The following SEMA4F variants were observed in gnomAD, a reference collection of about 807,000 sequenced individuals.
SEMA4F encodes the protein ssemaphorin 4F, also known as semaphorin-4F.
SEMA4F carries 51 observed loss-of-function variants against 78.4 expected under a neutral mutation model. The observed-to-expected ratio is 0.65, with a 90% CI of 0.52 to 0.82. The LOEUF (loss-of-function observed/expected upper bound fraction) is 0.82, where lower values mean the gene tolerates loss of function less well. Among genes scored for constraint, SEMA4F ranks in the 40% least tolerant of loss-of-function variants. SEMA4F has a pLI of 0.00. For synonymous variants in SEMA4F, 418 were observed against 408.7 expected (o/e 1.02, Z -0.27); for missense variants, 938 against 1,014.4 (o/e 0.92, Z 1.02).
intron 4 of SEMA4F, 31 bp from the exon 5 acceptor site, chr2:74,662,701 C>G: frequency 3.8e-6 from 6 of 1,579,718 alleles, no homozygotes; most frequent in Non-Finnish European, 1.7e-6. Flanking sequence ...CCCTATGACC[C>G]CTAAACCAAT....
At chr2:74,662,846 A>G in intron 5 of SEMA4F, 21 bp downstream of exon 5, 1 of 1,605,718 alleles carries the variant, frequency 6.2e-7, no homozygotes, top group Non-Finnish European at 8.5e-7. Flanking sequence ...AGAGACAAGA[A>G]CCTGTAACTT....
chr2:74,676,932 C>T (rs1055160725), intron 12 of SEMA4F, among the ~76,000 whole-genome samples: 4 of 152,124 alleles, frequency 2.6e-5, no homozygotes, highest in African/African-American at 9.7e-5. Flanking sequence ...GATGGAGTCT[C>T]ACTCTGTCGC....
intron 5 of SEMA4F, among the ~76,000 whole-genome samples, chr2:74,668,266 A>G (rs916921262): frequency 6.6e-6 from 1 of 152,212 alleles, no homozygotes; most frequent in Non-Finnish European, 1.5e-5. Flanking sequence ...CGCATCTGCC[A>G]AGGAGCTCTG....
intron 5 of SEMA4F, among the ~76,000 whole-genome samples, chr2:74,667,955 C>T (rs1406126368): frequency 6.6e-6 from 1 of 152,302 alleles, no homozygotes; most frequent in East Asian, 1.9e-4. Context: ...GCCTTCCACA[C>T]ATCTTCAGTT....
downstream of SEMA4F, among the ~76,000 whole-genome samples, chr2:74,686,947 G>A (rs1192053546): frequency 6.6e-6 from 1 of 151,878 alleles, no homozygotes; most frequent in Non-Finnish European, 1.5e-5. Flanking sequence ...GTTGATGGGT[G>A]CAGCAAACCA....
At chr2:74,673,895 C>T in intron 7 of SEMA4F, 67 bp downstream of exon 7, 1 of 1,515,122 alleles carries the variant, frequency 6.6e-7, no homozygotes, top group Non-Finnish European at 8.9e-7. Flanking sequence ...TTATCTTTTC[C>T]TCTTTGGGTC....
At chr2:74,700,655 TA>T in the SEMA4F span, among the ~76,000 whole-genome samples, 3 of 152,240 alleles carry the variant, frequency 2.0e-5, no homozygotes, top group African/African-American at 7.2e-5. Context: ...GTTATCTCCA[TA>T]AAAAAACTGA....
At chr2:74,668,696 C>T (rs1202603168) in intron 5 of SEMA4F, among the ~76,000 whole-genome samples, 2 of 151,476 alleles carry the variant, frequency 1.3e-5, no homozygotes, top group Non-Finnish European at 2.9e-5. Flanking sequence ...CTGCAACCTC[C>T]ACCTCCTGGG....
At chr2:74,688,274 G>A (rs1685858984), downstream of SEMA4F, among the ~76,000 whole-genome samples, 1 of 152,156 alleles carries the variant, frequency 6.6e-6, no homozygotes. Context: ...TGCCTTCCTA[G>A]AGTGGAGTGG....
chr2:74,664,329 T>C (rs1684579234), intron 5 of SEMA4F, among the ~76,000 whole-genome samples: 1 of 152,240 alleles, frequency 6.6e-6, no homozygotes, highest in Non-Finnish European at 1.5e-5. Context: ...TTTAATGACA[T>C]GTTACTCATT....
At chr2:74,677,339 C>T (rs1253286032) in intron 12 of SEMA4F, among the ~76,000 whole-genome samples, 2 of 152,188 alleles carry the variant, frequency 1.3e-5, no homozygotes, top group East Asian at 1.9e-4. Flanking sequence ...CTCATCAGTA[C>T]GTTTACTCAT....
intron 13 of SEMA4F, 53 bp from the exon 14 acceptor site, chr2:74,679,546 A>ACACCTCCAGCCTTTAGCCT (rs1685474569): frequency 6.4e-7 from 1 of 1,553,674 alleles, no homozygotes; most frequent in African/African-American, 1.4e-5. Context: ...TTTCTTCATC[A>ACACCTCCAGCCTTTAGCCT]CACCTCCAGC....
At chr2:74,656,473 C>T (rs148363820) in intron 1 of SEMA4F, 61 bp from the exon 2 acceptor site, 2 of 1,558,282 alleles carry the variant, frequency 1.3e-6, no homozygotes, top group African/African-American at 2.7e-5. Flanking sequence ...TTTGGTTTTG[C>T]TCTTGTGGAC....
Position 74,675,642 on chromosome 2 carries a change from G to A in SEMA4F, c.1482+8G>A, listed in dbSNP as rs762167868. 6 of 1,613,852 alleles carry A rather than the reference G, an allele frequency of 3.7e-6. No homozygotes were observed. The East Asian group carries it at 1.3e-4, about 36-fold the overall frequency. ...AACATGAAATTGTACCACGTGAGTT[G>A]TAGATTTTGGAGAGTCTATTGGGGA... On this transcript the variant is annotated splice_region_variant and intron_variant, in intron 11 of 13. Transcript: ENST00000357877.
the SEMA4F span, among the ~76,000 whole-genome samples, chr2:74,699,250 CA>C: frequency 6.6e-6 from 1 of 152,176 alleles, no homozygotes; most frequent in African/African-American, 2.4e-5. Flanking sequence ...CTGTCTTTTC[CA>C]ATTTTCCAAT....
intron 5 of SEMA4F, among the ~76,000 whole-genome samples, chr2:74,665,798 G>C (rs1684661669): frequency 6.6e-6 from 1 of 151,644 alleles, no homozygotes; most frequent in Non-Finnish European, 1.5e-5. Context: ...TCGTGGTTGT[G>C]ATATCTCTTG....
the SEMA4F span, among the ~76,000 whole-genome samples, chr2:74,692,544 G>A: frequency 6.6e-6 from 1 of 152,202 alleles, no homozygotes; most frequent in Non-Finnish European, 1.5e-5. Flanking sequence ...GGAGGCAAAG[G>A]CTTCTGTTGG....
In SEMA4F at chr2:74,683,742, A is replaced by G. The variant is rs1054464519; in HGVS notation, c.*3533A>G. 6.6e-6 allele frequency: 1 copy of G among 152,168 alleles called. No homozygotes were observed. Among genetic ancestry groups the G allele is most frequent in the African/African-American group, 2.4e-5 (1 of 41,422 alleles). The allele number at this position is 152,168 out of a possible 1,614,324, so 9.4% of individuals were successfully genotyped here. A position where few individuals can be genotyped will look rare whatever the true frequency, so the allele number is the denominator to read the frequency against. On this transcript the variant is annotated 3_prime_UTR_variant, in exon 14 of 14. Coordinates refer to ENST00000357877, the MANE Select transcript of SEMA4F (RefSeq NM_004263.5). Reference sequence around the variant, plus strand: ...CCTGGATTCATGTGGAATTCTTGGGAGAGGGATGACCACCCTGAAGATGGC... The same window carrying G: ...CCTGGATTCATGTGGAATTCTTGGGGGAGGGATGACCACCCTGAAGATGGC...
chr2:74,654,871 G>A (rs1237781594), intron 1 of SEMA4F, among the ~76,000 whole-genome samples: 1 of 152,210 alleles, frequency 6.6e-6, no homozygotes, highest in Non-Finnish European at 1.5e-5. Context: ...GGCTGCCCGA[G>A]GTCGTTCATT....
Sources: gnomAD v4.1 joint callset for allele counts (sites outside exome capture counted in the v4.1 genomes callset) on GRCh38, gnomAD v4.1.1 for gene constraint, MANE v1.5 for transcripts, NCBI Gene and HGNC (gene_info 2026-07-23, HGNC 2026-07-21) for gene names.